Variants in MAPK10 observed in about 807,000 individuals in gnomAD.
The protein encoded by MAPK10 is JNK3 alpha protein kinase.
Under a neutral mutation model 59.3 loss-of-function variants are expected in MAPK10, and 25 were observed. The observed-to-expected ratio is 0.42, with a 90% confidence interval of 0.31 to 0.59. MAPK10 has a LOEUF of 0.59. MAPK10 is among the 20% of genes least tolerant of loss of function. The pLI is 0.15. For missense variants in MAPK10, 351 were observed against 568.9 expected (o/e 0.62, Z 3.90); for synonymous variants, 190 against 200.5 (o/e 0.95, Z 0.44).
At chr4:86,064,110 G>T (rs1224272672) in intron 11 of MAPK10, among the ~76,000 whole-genome samples, 156 bp downstream of exon 11, 2 of 152,178 alleles carry the variant, frequency 1.3e-5, no homozygotes, top group Non-Finnish European at 2.9e-5. Flanking sequence ...AACATATGTT[G>T]AAGAAAATAG....
chr4:86,030,735 C>T (rs529228191), intron 12 of MAPK10, among the ~76,000 whole-genome samples: 17 of 152,088 alleles, frequency 1.1e-4, no homozygotes, highest in Non-Finnish European at 2.5e-4. Flanking sequence ...TCCTAATTTA[C>T]ACTTATTAAT....
intron 2 of MAPK10, among the ~76,000 whole-genome samples, chr4:86,343,910 T>C (rs1185445376): frequency 6.6e-6 from 1 of 152,202 alleles, no homozygotes; most frequent in African/African-American, 2.4e-5. Flanking sequence ...TATGTTAACA[T>C]GTAATGGGTT....
chr4:86,411,110 T>A (rs943629783), intron 1 of MAPK10, among the ~76,000 whole-genome samples: 1 of 152,234 alleles, frequency 6.6e-6, no homozygotes, highest in Non-Finnish European at 1.5e-5. Context: ...GTCTTTGTTC[T>A]TATTGGTTTC....
chr4:86,517,410 A>G (rs7661663), intron 1 of MAPK10, among the ~76,000 whole-genome samples: 131,019 of 151,480 alleles, frequency 0.86, 56,730 homozygotes, highest in East Asian at 0.89. Context: ...CGAGTAGCTG[A>G]GACTACAGGG....
chr4:86,129,292 G>A (rs112199024), intron 4 of MAPK10, among the ~76,000 whole-genome samples: 12,014 of 152,090 alleles, frequency 0.079, 532 homozygotes, highest in Non-Finnish European at 0.1. Context: ...CTTTGTGCTT[G>A]TAAAAGAAAC....
At chr4:86,303,467 G>A (rs1564162899) in intron 2 of MAPK10, among the ~76,000 whole-genome samples, 1 of 152,154 alleles carries the variant, frequency 6.6e-6, no homozygotes. Context: ...TAAAGATGTA[G>A]TCTAGTGGGA....
intron 1 of MAPK10, among the ~76,000 whole-genome samples, chr4:86,537,631 T>C (rs769050566): frequency 3.9e-5 from 6 of 152,076 alleles, no homozygotes; most frequent in Non-Finnish European, 8.8e-5. Flanking sequence ...CCCTGAGAAA[T>C]ATTTTTGGTT....
chr4:86,088,291 C>T (rs2052368709), intron 9 of MAPK10, among the ~76,000 whole-genome samples: 1 of 152,118 alleles, frequency 6.6e-6, no homozygotes, highest in Non-Finnish European at 1.5e-5. Context: ...AAGCTATCCT[C>T]CCAGCTAGTT....
At chr4:86,478,375 C>T (rs559943618) in intron 1 of MAPK10, among the ~76,000 whole-genome samples, 4 of 152,286 alleles carry the variant, frequency 2.6e-5, no homozygotes, top group African/African-American at 9.6e-5. Context: ...CGGGACTACG[C>T]CCTGTAACCT....
At chr4:86,365,431 C>CAAAAAAAAA (rs70948789) in intron 1 of MAPK10, among the ~76,000 whole-genome samples, 1,285 of 32,452 alleles carry the variant, frequency 0.04, 413 homozygotes, top group Non-Finnish European at 0.052. Flanking sequence ...GACTCTGTCT[C>CAAAAAAAAA]AAAAAAAAAA....
intron 1 of MAPK10, among the ~76,000 whole-genome samples, chr4:86,503,624 A>T (rs905221692): frequency 6.6e-6 from 1 of 152,074 alleles, no homozygotes; most frequent in Admixed American, 6.6e-5. Context: ...TGTAGCCTGG[A>T]TTTCTACAGT....
At chr4:86,127,190 TAA>T in intron 4 of MAPK10, among the ~76,000 whole-genome samples, 1 of 118,434 alleles carries the variant, frequency 8.4e-6, no homozygotes, top group African/African-American at 3.3e-5. Flanking sequence ...TTAGGAGAAT[TAA>T]GTTAGCTTAA....
At chr4:86,558,833 A>G (rs975803531) in intron 1 of MAPK10, among the ~76,000 whole-genome samples, 1 of 63,282 alleles carries the variant, frequency 1.6e-5, no homozygotes, top group Non-Finnish European at 3.7e-5. Context: ...AACTTTCAGG[A>G]AAAAAAAAAA....
Position 86,101,116 on chromosome 4 carries a change from T to C in MAPK10, c.666A>G (p.Pro222=), listed in dbSNP as rs1290967674. 3 of 1,613,870 alleles carry C rather than the reference T, an allele frequency of 1.9e-6. No individual in the cohort carries two copies. Among genetic ancestry groups the C allele is most frequent in the African/African-American group, 1.3e-5 (1 of 74,920 alleles). ...RTAGTSFMMT[P]YVVTRYYRAP... ...CTCTGTAATAACGTGTCACCACATA[T>C]GGAGTCATCATGAAGCTTGTGCCTG... The change falls in exon 8 of 14, where the codon CCA becomes CCG. Residue 222 remains proline, a synonymous_variant. Transcript: ENST00000641462.
At chr4:86,565,661 A>T (rs111809209) in intron 1 of MAPK10, among the ~76,000 whole-genome samples, 7,133 of 152,314 alleles carry the variant, frequency 0.047, 222 homozygotes, top group African/African-American at 0.059. Context: ...AAAGATAATT[A>T]ACAGTATTCA....
chr4:86,159,691 A>T (rs2068926277), intron 3 of MAPK10, among the ~76,000 whole-genome samples: 1 of 152,028 alleles, frequency 6.6e-6, no homozygotes, highest in South Asian at 2.1e-4. Context: ...CATCATTAAA[A>T]CTATTTATAA....
At chr4:86,023,089 C>T (rs1392774110) in intron 13 of MAPK10, among the ~76,000 whole-genome samples, 1 of 152,092 alleles carries the variant, frequency 6.6e-6, no homozygotes, top group Non-Finnish European at 1.5e-5. Flanking sequence ...ATACTTAAGT[C>T]TATGATTCAT....
At chr4:86,062,179 A>G (rs1358619837) in intron 11 of MAPK10, among the ~76,000 whole-genome samples, 1 of 152,082 alleles carries the variant, frequency 6.6e-6, no homozygotes, top group Non-Finnish European at 1.5e-5. Context: ...AGACATGTTT[A>G]CCCTTGTATA....
chr4:86,477,757 C>T (rs1466995380), intron 1 of MAPK10, among the ~76,000 whole-genome samples: 1 of 152,172 alleles, frequency 6.6e-6, no homozygotes, highest in East Asian at 1.9e-4. Context: ...TTTGCCTATC[C>T]ACCCCATGGT....
Sources: allele counts gnomAD v4.1 joint callset (sites outside exome capture counted in the v4.1 genomes callset), GRCh38; gene constraint gnomAD v4.1.1; transcripts MANE v1.5; gene names NCBI Gene and HGNC (gene_info 2026-07-23, HGNC 2026-07-21).